ATG14: variants seen among roughly 807,000 people sequenced by gnomAD.
ATG14 encodes the protein beclin 1-associated autophagy-related key regulator.
Under a neutral mutation model 60.4 loss-of-function variants are expected in ATG14, and 35 were observed. That is an observed-to-expected ratio of 0.58 (90% confidence interval 0.44 to 0.77). The LOEUF is 0.77. Among genes scored for constraint, ATG14 ranks in the 30% least tolerant of loss-of-function variants. The pLI is 0.00. For synonymous variants in ATG14, 234 were observed against 228.8 expected, an observed-to-expected ratio of 1.02 and a Z score of -0.21; for missense variants, 647 against 626.3, an observed-to-expected ratio of 1.03 and a Z score of -0.35.
At chr14:55,383,588 CAAA>C (rs111349514) in intron 5 of ATG14, among the ~76,000 whole-genome samples, 20 of 149,446 alleles carry the variant, frequency 1.3e-4, no homozygotes, top group African/African-American at 4.5e-4. Flanking sequence ...ACAACAACAA[CAAA>C]AAAAACCCCC....
At chr14:55,393,790 C>A (rs954698953) in intron 3 of ATG14, among the ~76,000 whole-genome samples, 5 of 152,144 alleles carry the variant, frequency 3.3e-5, no homozygotes, top group Admixed American at 3.3e-4. Context: ...TGGGCTTGAG[C>A]AATCCACCTC....
intron 9 of ATG14, 110 bp from the exon 10 acceptor site, chr14:55,370,035 C>G: frequency 9.9e-7 from 1 of 1,008,242 alleles, no homozygotes; most frequent in Non-Finnish European, 1.4e-6. Context: ...CGCCGCACAC[C>G]CCATTCATTC....
rs1182178957 is a variant in ATG14 at position 55,382,154 on chromosome 14, T to C, written c.685A>G (p.Met229Val). Reference protein sequence around the residue: ...ADVSSESDSAMTSSTVSKLAE... With the variant: ...ADVSSESDSAVTSSTVSKLAE... Reference sequence around the variant, plus strand: ...AGCTTGCTCACAGTGCTGGAGGTCATGGCACTGTCACTCTCTGAAGACACA... The same window carrying C: ...AGCTTGCTCACAGTGCTGGAGGTCACGGCACTGTCACTCTCTGAAGACACA... Residue 229 changes from methionine (M) to valine (V), a missense_variant, in exon 6 of 10, where the codon ATG (methionine) becomes GTG (valine). Coordinates refer to ENST00000247178, the MANE Select transcript of ATG14 (RefSeq NM_014924.5). The C allele has an allele frequency of 4.3e-6, 7 of 1,614,022 alleles. No individual in the cohort carries two copies. The highest frequency in any genetic ancestry group is 1.3e-5 in the African/African-American group (1 of 74,922).
Position 55,382,002 on chromosome 14 carries a change from G to A in ATG14, c.837C>T (p.Tyr279=). 1 of 1,614,190 alleles carries A rather than the reference G, an allele frequency of 6.2e-7. No individual in the cohort carries two copies. The highest frequency in any genetic ancestry group is 1.1e-5 in the South Asian group (1 of 91,088). ...TTTTCTTCTCCTCCACCCAGCTGTA[G>A]TAGGCAGAGTAGTCCCCATTGTTAG... ...SLPNNGDYSA[Y]YSWVEEKKTT... The change falls in exon 6 of 10, where the codon TAC becomes TAT. Residue 279 remains tyrosine, a synonymous_variant. Coordinates refer to ENST00000247178, the MANE Select transcript of ATG14 (RefSeq NM_014924.5).
intron 2 of ATG14, among the ~76,000 whole-genome samples, chr14:55,397,011 A>G (rs1203776318): frequency 1.3e-5 from 2 of 152,206 alleles, no homozygotes; most frequent in African/African-American, 4.8e-5. Flanking sequence ...AAATACTGAT[A>G]TGGACAAAAG....
chr14:55,377,765 C>T (rs371140782), intron 9 of ATG14, 54 bp downstream of exon 9: 1 of 1,337,962 alleles, frequency 7.5e-7, no homozygotes. Flanking sequence ...ACATACAACT[C>T]CTCTAACAGG....
At chr14:55,379,264 A>G (rs28452705) in intron 7 of ATG14, among the ~76,000 whole-genome samples, 44,961 of 151,874 alleles carry the variant, frequency 0.3, 7,002 homozygotes, top group Non-Finnish European at 0.33. Flanking sequence ...GGCCGGGTGC[A>G]GTGGTTCATG....
chr14:55,387,971 C>G (rs1158330843), intron 4 of ATG14, among the ~76,000 whole-genome samples: 3 of 152,074 alleles, frequency 2.0e-5, no homozygotes, highest in African/African-American at 7.2e-5. Flanking sequence ...CAATTTCTTA[C>G]AGTTTTGAAA....
At chr14:55,407,034 T>C (rs1313415622) in intron 1 of ATG14, among the ~76,000 whole-genome samples, 1 of 151,662 alleles carries the variant, frequency 6.6e-6, no homozygotes, top group Non-Finnish European at 1.5e-5. Flanking sequence ...TGATCTCAGC[T>C]CATGGCAGCC....
intron 9 of ATG14, among the ~76,000 whole-genome samples, chr14:55,373,465 ATTT>A (rs969224301): frequency 6.6e-6 from 1 of 151,896 alleles, no homozygotes; most frequent in Non-Finnish European, 1.5e-5. Context: ...TTTATTACTT[ATTT>A]TTTTATTTTG....
At chr14:55,380,875 A>ATATATATATATATAT (rs377330757) in intron 6 of ATG14, among the ~76,000 whole-genome samples, 185 bp from the exon 7 acceptor site, 81 of 112,702 alleles carry the variant, frequency 7.2e-4, no homozygotes, top group African/African-American at 2.8e-3. Flanking sequence ...ATATATATAT[A>ATATATATATATATAT]TTTTTTTTTT....
At chr14:55,395,517 CG>C (rs1485764083) in intron 3 of ATG14, among the ~76,000 whole-genome samples, 1 of 152,114 alleles carries the variant, frequency 6.6e-6, no homozygotes, top group Non-Finnish European at 1.5e-5. Context: ...TGCACCTGGC[CG>C]GAAGTTTTAA....
chr14:55,369,732 T>C lies in ATG14; in HGVS notation c.1366A>G (p.Ser456Gly). The change falls in exon 10 of 10, where the codon AGT becomes GGT. Residue 456 changes from serine to glycine, a missense_variant. Physicochemically the swap from Ser to Gly is moderately conservative, Grantham distance 56. Coordinates refer to ENST00000247178, the MANE Select transcript of ATG14 (RefSeq NM_014924.5). ...GGTGGGGACGCCTGGGTGCTCTGAC[T>C]CTGGGAGACTTCCACAGACTGGGAA... Reference protein sequence around the residue: ...IPSQSVEVSQSQSTQASPPIA... With the variant: ...IPSQSVEVSQGQSTQASPPIA... 6.2e-7 allele frequency: 1 copy of C among 1,613,846 alleles called. No homozygotes were observed. The highest frequency in any genetic ancestry group is 8.5e-7 in the Non-Finnish European group (1 of 1,179,800).
chr14:55,390,867 A>G (rs1375578267), intron 4 of ATG14, 44 bp downstream of exon 4: 2 of 1,357,320 alleles, frequency 1.5e-6, no homozygotes, highest in Admixed American at 2.0e-5. Context: ...GAAATTCCAC[A>G]TAGGCACTTT....
Position 55,372,895 on chromosome 14 carries a change from C to T in ATG14, c.1173-2970G>A, listed in dbSNP as rs375196450. ...AGAAACCCACCTGGCACGGAGCAGG[C>T]GCTCAGCTAAGTACAATGAAAAGCG... On this transcript the variant is annotated intron_variant, in intron 9 of 9. Coordinates refer to ENST00000247178, the MANE Select transcript of ATG14 (RefSeq NM_014924.5). Among the ~76,000 whole-genome samples, 6 of 152,180 alleles carry T rather than the reference C, an allele frequency of 3.9e-5. No homozygotes were observed. The East Asian group carries it at 5.8e-4, about 15-fold the overall frequency.
chr14:55,395,233 T>C, intron 3 of ATG14: 1 of 362,766 alleles, frequency 2.8e-6, no homozygotes. Flanking sequence ...CTCTTGGGCA[T>C]CCTGGCTGCA....
At chr14:55,379,262 G>A (rs918514362) in intron 7 of ATG14, among the ~76,000 whole-genome samples, 4 of 152,168 alleles carry the variant, frequency 2.6e-5, no homozygotes, top group Non-Finnish European at 4.4e-5. Context: ...ATGGCCGGGT[G>A]CAGTGGTTCA....
intron 7 of ATG14, among the ~76,000 whole-genome samples, chr14:55,379,665 G>C (rs1215357803): frequency 6.6e-6 from 1 of 152,190 alleles, no homozygotes; most frequent in Non-Finnish European, 1.5e-5. Context: ...ATGATAGTTG[G>C]AGGGTAGTAG....
chr14:55,379,940 C>A (rs116555664), intron 7 of ATG14, among the ~76,000 whole-genome samples: 2,973 of 152,046 alleles, frequency 0.02, 77 homozygotes, highest in African/African-American at 0.068. Context: ...TATTAAAAAA[C>A]AACAACAACA....
Sources: allele counts gnomAD v4.1 joint callset (sites outside exome capture counted in the v4.1 genomes callset), GRCh38; gene constraint gnomAD v4.1.1; transcripts MANE v1.5; gene names NCBI Gene and HGNC (gene_info 2026-07-23, HGNC 2026-07-21).